Variants in EYS observed in about 807,000 individuals in gnomAD.
EYS encodes EGF-like photoreceptor maintenance factor, also known as protein eyes shut homolog.
A neutral mutation model predicts 282.1 loss-of-function variants in EYS; 250 were observed. That is an observed-to-expected ratio of 0.89 (90% confidence interval 0.80 to 0.98). The LOEUF is 0.98. Ranked by LOEUF, EYS falls within the 50% of genes least tolerant of loss-of-function variation. EYS has a pLI of 0.00. For synonymous variants in EYS, 1,355 were observed against 1,282.9 expected (o/e 1.06, Z -1.20); for missense variants, 4,016 against 3,709.0 (o/e 1.08, Z -2.15).
intron 22 of EYS, among the ~76,000 whole-genome samples, chr6:64,682,804 T>C (rs1769946403): frequency 6.6e-6 from 1 of 152,216 alleles, no homozygotes; most frequent in African/African-American, 2.4e-5. Flanking sequence ...TAAAGAACCT[T>C]TTTAAATAAA....
At chr6:65,109,671 A>AC (rs71268365) in intron 12 of EYS, among the ~76,000 whole-genome samples, 10 of 149,572 alleles carry the variant, frequency 6.7e-5, no homozygotes, top group African/African-American at 2.5e-4. Context: ...AAAAAAAAAA[A>AC]CACCTTTTTT....
chr6:64,060,266 A>T (rs1401814195), intron 33 of EYS, among the ~76,000 whole-genome samples: 1 of 152,264 alleles, frequency 6.6e-6, no homozygotes, highest in Non-Finnish European at 1.5e-5. Context: ...TGTCAAAATT[A>T]TAGATAATAG....
chr6:65,329,872 C>A, intron 11 of EYS: 1 of 981,262 alleles, frequency 1.0e-6, no homozygotes, highest in Non-Finnish European at 1.2e-6. Context: ...TGAAACTTCA[C>A]CTGATTTTCT....
intron 12 of EYS, among the ~76,000 whole-genome samples, chr6:65,280,529 T>C (rs1352768551): frequency 6.6e-6 from 1 of 152,196 alleles, no homozygotes; most frequent in Non-Finnish European, 1.5e-5. Context: ...ATTAATGCTG[T>C]ATAATTTATA....
intron 2 of EYS, among the ~76,000 whole-genome samples, chr6:65,544,036 G>C (rs1431787712): frequency 1.3e-5 from 2 of 151,292 alleles, no homozygotes; most frequent in Admixed American, 6.6e-5. Context: ...GTGTGAGAGA[G>C]AGAGAGACAA....
intron 37 of EYS, among the ~76,000 whole-genome samples, chr6:63,803,225 T>C (rs1432662549): frequency 3.3e-5 from 5 of 152,066 alleles, no homozygotes; most frequent in Admixed American, 1.3e-4. Context: ...GTCTGCAATA[T>C]TCATTTGAAG....
intron 36 of EYS, among the ~76,000 whole-genome samples, chr6:63,851,513 G>A (rs1581893518): frequency 6.6e-6 from 1 of 152,164 alleles, no homozygotes; most frequent in African/African-American, 2.4e-5. Context: ...TCAGGATTAA[G>A]AAACTCACTC....
intron 35 of EYS, among the ~76,000 whole-genome samples, chr6:63,877,300 CA>C (rs1773002185): frequency 6.6e-6 from 1 of 152,210 alleles, no homozygotes; most frequent in Non-Finnish European, 1.5e-5. Flanking sequence ...TATTGGCCCC[CA>C]CTCTCTTCTG....
chr6:64,571,978 A>C (rs1391045907), intron 26 of EYS, among the ~76,000 whole-genome samples: 3 of 151,918 alleles, frequency 2.0e-5, no homozygotes, highest in Non-Finnish European at 4.4e-5. Context: ...CAACAACAAC[A>C]ACAAAATTTC....
intron 30 of EYS, among the ~76,000 whole-genome samples, chr6:64,288,232 C>G (rs879398632): frequency 6.6e-6 from 1 of 151,940 alleles, no homozygotes; most frequent in Non-Finnish European, 1.5e-5. Flanking sequence ...TGTTTTTTTC[C>G]TGCTACCTTT....
intron 19 of EYS, among the ~76,000 whole-genome samples, chr6:64,879,072 G>A (rs1766837744): frequency 6.6e-6 from 1 of 152,102 alleles, no homozygotes; most frequent in African/African-American, 2.4e-5. Flanking sequence ...TTTATGTGTT[G>A]CCCTTTTAGC....
At position 63,864,173 on chromosome 6, in the gene EYS, C is replaced by G; in HGVS notation, c.7228+13G>C. On this transcript the variant is annotated intron_variant, in intron 36 of 42. Coordinates refer to ENST00000503581, the MANE Select transcript of EYS (RefSeq NM_001142800.2). ...CTGTCTGTGCTCCATGTTTAATAAT[C>G]AAATGCTCTTACCATCAGTGCAGAG... 6.9e-7 allele frequency: 1 copy of G among 1,452,242 alleles called. No homozygotes were observed. The highest frequency in any genetic ancestry group is 9.1e-7 in the Non-Finnish European group (1 of 1,096,564). 90.0% of individuals were successfully genotyped at this position (1,452,242 alleles called of 1,614,324 possible).
intron 30 of EYS, among the ~76,000 whole-genome samples, chr6:64,247,437 T>C (rs2150346631): frequency 6.6e-6 from 1 of 152,226 alleles, no homozygotes. Flanking sequence ...ACCTAGACAT[T>C]ACCAGCCAGG....
intron 12 of EYS, among the ~76,000 whole-genome samples, chr6:65,125,207 C>A (rs1775684119): frequency 6.6e-6 from 1 of 152,148 alleles, no homozygotes; most frequent in African/African-American, 2.4e-5. Flanking sequence ...ATTCAACTTC[C>A]TTTTTCCCTT....
At chr6:65,480,596 A>G (rs186482683) in intron 5 of EYS, among the ~76,000 whole-genome samples, 1 of 152,278 alleles carries the variant, frequency 6.6e-6, no homozygotes, top group Non-Finnish European at 1.5e-5. Flanking sequence ...GGTGCATATT[A>G]AATAGTAGTT....
chr6:63,795,117 A>G (rs1770612098), intron 37 of EYS, among the ~76,000 whole-genome samples: 1 of 152,226 alleles, frequency 6.6e-6, no homozygotes, highest in Non-Finnish European at 1.5e-5. Flanking sequence ...AAAAGTCATA[A>G]CAACTCCATC....
At chr6:64,890,309 A>T (rs1767248306) in intron 18 of EYS, among the ~76,000 whole-genome samples, 1 of 152,062 alleles carries the variant, frequency 6.6e-6, no homozygotes, top group Non-Finnish European at 1.5e-5. Flanking sequence ...ATATTCTATT[A>T]CCTTGTAAAG....
At chr6:65,281,045 A>AG (rs1214704124) in intron 12 of EYS, among the ~76,000 whole-genome samples, 2 of 148,372 alleles carry the variant, frequency 1.3e-5, no homozygotes, top group East Asian at 3.9e-4. Flanking sequence ...CAAAAAAAAA[A>AG]AAAAAAGAAA....
intron 5 of EYS, among the ~76,000 whole-genome samples, chr6:65,456,262 C>T (rs1327144321): frequency 1.3e-5 from 2 of 151,890 alleles, no homozygotes; most frequent in African/African-American, 4.8e-5. Context: ...ACCATTCTGG[C>T]CAACATGGTG....
Sources: gnomAD v4.1 joint callset for allele counts (sites outside exome capture counted in the v4.1 genomes callset) on GRCh38, gnomAD v4.1.1 for gene constraint, MANE v1.5 for transcripts, NCBI Gene and HGNC (gene_info 2026-07-23, HGNC 2026-07-21) for gene names.